NUDT12: variants seen among roughly 807,000 people sequenced by gnomAD.
The protein encoded by NUDT12 is NAD-capped RNA hydrolase NUDT12.
NUDT12 carries 42 observed loss-of-function variants against 45.7 expected under a neutral mutation model. That is an observed-to-expected ratio of 0.92 (90% CI 0.72 to 1.19). The LOEUF (loss-of-function observed/expected upper bound fraction) is 1.19. Ranked by LOEUF, NUDT12 falls within the 50% of genes most tolerant of loss-of-function variation. NUDT12 has a pLI of 0.00. For missense variants in NUDT12, 590 were observed against 533.1 expected (o/e 1.11, Z -1.05); for synonymous variants, 206 against 179.7 (o/e 1.15, Z -1.17).
In NUDT12 at chr5:103,550,489, T is replaced by C. The variant is rs891973009; in HGVS notation, c.*372A>G. On this transcript the variant is annotated 3_prime_UTR_variant, in exon 7 of 7. Transcript: ENST00000230792. ...TGATTCATTTCTCAAATCAGGAACT[T>C]TCTTCATCATCAGTTTAATGCTTAC... The C allele has an allele frequency of 6.4e-6, 1 of 157,124 alleles. No individual in the cohort carries two copies. Among genetic ancestry groups the C allele is most frequent in the Admixed American group, 6.3e-5 (1 of 15,750 alleles). The allele number at this position is 157,124 out of a possible 1,614,324, so 9.7% of individuals were successfully genotyped here. A position where few individuals can be genotyped will look rare whatever the true frequency, so the allele number is the denominator to read the frequency against.
At position 103,554,866 on chromosome 5, in the gene NUDT12, A is replaced by AG; in HGVS notation, c.965-14_965-13insC. The AG allele has an allele frequency of 8.3e-7, 1 of 1,205,010 alleles. No homozygotes were observed. The highest frequency in any genetic ancestry group is 1.2e-6 in the Non-Finnish European group (1 of 847,156). The allele number at this position is 1,205,010 out of a possible 1,614,324, so 74.6% of individuals were successfully genotyped here. A position where few individuals can be genotyped will look rare whatever the true frequency, so the allele number is the denominator to read the frequency against. The stretch of plus-strand genomic sequence containing the variant: ...ATTACTACTGGATCTGTTGAAAAAA[A>AG]AAATCAGATACATGAATGGCAGGAA... On this transcript the variant is annotated splice_polypyrimidine_tract_variant and intron_variant, in intron 4 of 6. Transcript: ENST00000230792.
Position 103,558,874 on chromosome 5 carries a change from C to A in NUDT12, c.796+5G>T. 6.5e-7 allele frequency: 1 copy of A among 1,541,692 alleles called. No individual in the cohort carries two copies. The highest frequency in any genetic ancestry group is 8.7e-7 in the Non-Finnish European group (1 of 1,146,924). ...TACCAATGAAAAGCAGCATTCATTTCTTACCAGCTTCTTTTTCTTTCAATT... is the reference window on the plus strand; with the variant it reads ...TACCAATGAAAAGCAGCATTCATTTATTACCAGCTTCTTTTTCTTTCAATT... On this transcript the variant is annotated splice_donor_5th_base_variant and intron_variant, in intron 3 of 6. Coordinates refer to ENST00000230792, the MANE Select transcript of NUDT12 (RefSeq NM_031438.4).
Position 103,554,535 on chromosome 5 carries a change from T to C in NUDT12, c.1078+205A>G, listed in dbSNP as rs1748752334. The C allele has an allele frequency of 1.5e-5, 4 of 273,482 alleles. No individual in the cohort carries two copies. The South Asian group carries it at 5.9e-4, about 40-fold the overall frequency. 16.9% of individuals were successfully genotyped at this position (273,482 alleles called of 1,614,324 possible). A position where few individuals can be genotyped will look rare whatever the true frequency, so the allele number is the denominator to read the frequency against. ...TGAATTTTTAACAAAGCAGACCAAA[T>C]TACTAGGAAAAGTAATTTATATAAT... On this transcript the variant is annotated intron_variant, in intron 5 of 6. Transcript: ENST00000230792.
At chr5:103,561,851 C>T (rs552109687) in intron 1 of NUDT12, among the ~76,000 whole-genome samples, 2 of 152,302 alleles carry the variant, frequency 1.3e-5, no homozygotes, top group Admixed American at 6.5e-5. Context: ...AAAAATACAG[C>T]GTCATTCACT....
chr5:103,560,227 G>C lies in NUDT12; in HGVS notation c.22C>G (p.Leu8Val). 1.2e-6 allele frequency: 2 copies of C among 1,613,500 alleles called. No individual in the cohort carries two copies. The change falls in exon 2 of 7, where the codon CTG becomes GTG. Residue 8 changes from leucine to valine, a missense_variant. Transcript: ENST00000230792. ...AACTGAGTAACTATTTCTTGCTTCA[G>C]ACTTCTTTTTACAGAAGACATTTCT... MSSVKRS[L>V]KQEIVTQFHC...
chr5:103,551,626 A>T (rs956184397), intron 6 of NUDT12, among the ~76,000 whole-genome samples: 8 of 152,198 alleles, frequency 5.3e-5, no homozygotes, highest in African/African-American at 1.7e-4. Flanking sequence ...TCCATCTTTT[A>T]GGATTAAGCA....
intron 3 of NUDT12, among the ~76,000 whole-genome samples, chr5:103,557,299 A>ATATATATATATATATATATC (rs1748856904): frequency 6.9e-6 from 1 of 145,896 alleles, no homozygotes; most frequent in Non-Finnish European, 1.5e-5. Flanking sequence ...ATATATATAT[A>ATATATATATATATATATATC]TATATGTCTA....
chr5:103,554,993 C>T (rs1748769533), intron 4 of NUDT12, 140 bp from the exon 5 acceptor site: 2 of 404,928 alleles, frequency 4.9e-6, no homozygotes, highest in Admixed American at 8.7e-5. Flanking sequence ...GAGATTGCTT[C>T]TTTCTGCCCT....
intron 4 of NUDT12, 21 bp downstream of exon 4, chr5:103,555,910 G>A: frequency 2.0e-6 from 3 of 1,463,846 alleles, no homozygotes; most frequent in Non-Finnish European, 2.7e-6. Context: ...AGGTGGCTGA[G>A]ATATAAAATA....
Position 103,554,724 on chromosome 5 carries a change from T to C in NUDT12, c.1078+16A>G. ...AAAATTATAAATTAAATATAAATTA[T>C]TAAGAAATGGCTTACCAGGCTCAAT... On this transcript the variant is annotated intron_variant, in intron 5 of 6. Coordinates refer to ENST00000230792, the MANE Select transcript of NUDT12 (RefSeq NM_031438.4). 6 of 1,006,244 alleles carry C rather than the reference T, an allele frequency of 6.0e-6. No homozygotes were observed. The highest frequency in any genetic ancestry group is 8.4e-6 in the Non-Finnish European group (6 of 713,440). 62.3% of individuals were successfully genotyped at this position (1,006,244 alleles called of 1,614,324 possible). A position where few individuals can be genotyped will look rare whatever the true frequency, so the allele number is the denominator to read the frequency against.
Position 103,562,690 on chromosome 5 carries a change from T to G in NUDT12, c.-7+13A>C, listed in dbSNP as rs1749076476. 6.6e-6 allele frequency: 1 copy of G among 152,238 alleles called. No individual in the cohort carries two copies. The highest frequency in any genetic ancestry group is 6.6e-5 in the Admixed American group (1 of 15,264). 9.4% of individuals were successfully genotyped at this position (152,238 alleles called of 1,614,324 possible). Reference sequence around the variant, plus strand: ...GGCAATGAGACGACTAACTCCCCACTGCTTCTACTAACCCAAAGGTGACCA... The same window carrying G: ...GGCAATGAGACGACTAACTCCCCACGGCTTCTACTAACCCAAAGGTGACCA... On this transcript the variant is annotated intron_variant, in intron 1 of 6. Transcript: ENST00000230792.
At chr5:103,558,739 T>A in intron 3 of NUDT12, 140 bp downstream of exon 3, 1 of 599,462 alleles carries the variant, frequency 1.7e-6, no homozygotes, top group Admixed American at 3.3e-5. Flanking sequence ...GGGTGAGAAC[T>A]TTAAGAAGTT....
At chr5:103,551,668 CAG>C (rs1160881738) in intron 6 of NUDT12, among the ~76,000 whole-genome samples, 2 of 152,026 alleles carry the variant, frequency 1.3e-5, no homozygotes, top group African/African-American at 2.4e-5. Flanking sequence ...CAGGCAAAGT[CAG>C]AAAGAATTTC....
intron 1 of NUDT12, among the ~76,000 whole-genome samples, 188 bp from the exon 2 acceptor site, chr5:103,560,442 G>A (rs767672057): frequency 9.2e-5 from 14 of 152,118 alleles, no homozygotes; most frequent in African/African-American, 1.2e-4. Flanking sequence ...AAAATGCAAC[G>A]CAATTTATAT....
chr5:103,552,132 C>T, intron 6 of NUDT12, 85 bp downstream of exon 6: 1 of 1,074,906 alleles, frequency 9.3e-7, no homozygotes, highest in Non-Finnish European at 1.4e-6. Flanking sequence ...ATTCAACTTG[C>T]TGAAAATATG....
In NUDT12 at chr5:103,549,833, T is replaced by C. The variant is rs374645661; in HGVS notation, c.*1028A>G. The C allele has an allele frequency of 9.2e-5, 14 of 152,278 alleles. No individual in the cohort carries two copies. Among genetic ancestry groups the C allele is most frequent in the African/African-American group, 2.9e-4 (12 of 41,578 alleles). 9.4% of individuals were successfully genotyped at this position (152,278 alleles called of 1,614,324 possible). On this transcript the variant is annotated 3_prime_UTR_variant, in exon 7 of 7. Transcript: ENST00000230792. ...TGTTTTGCTTTCTCTAGAATCTTAC[T>C]GATTCAGCTCTAAAATATACTTACT...
chr5:103,552,428 G>C lies in NUDT12; in HGVS notation c.1079-12C>G, dbSNP rs765153202. The stretch of plus-strand genomic sequence containing the variant: ...TTCTATTGTCTCTCCTAATGAAATG[G>C]AGCAAAAGAACAAGTTGCTGATGAA... On this transcript the variant is annotated splice_polypyrimidine_tract_variant and intron_variant, in intron 5 of 6. Transcript: ENST00000230792. 8.7e-6 allele frequency: 14 copies of C among 1,606,864 alleles called. No individual in the cohort carries two copies. In the East Asian group the frequency reaches 2.9e-4, roughly 33 times the overall value.
chr5:103,554,904 A>T lies in NUDT12; in HGVS notation c.965-51T>A, dbSNP rs368049576. On this transcript the variant is annotated intron_variant, in intron 4 of 6. Transcript: ENST00000230792. ...TGAATGGCAGGAAAAACGAATTTAG[A>T]TTCATTGTACAAACACTGTCTGATA... The T allele has an allele frequency of 3.2e-5, 23 of 708,262 alleles. No individual in the cohort carries two copies. The African/African-American group carries it at 4.0e-4, about 12-fold the overall frequency. The allele number at this position is 708,262 out of a possible 1,614,324, so 43.9% of individuals were successfully genotyped here.
At chr5:103,561,811 C>A (rs1749041410) in intron 1 of NUDT12, among the ~76,000 whole-genome samples, 1 of 152,202 alleles carries the variant, frequency 6.6e-6, no homozygotes, top group African/African-American at 2.4e-5. Flanking sequence ...TTCTCACAGG[C>A]CGCGCCAGGT....
Sources: allele counts gnomAD v4.1 joint callset (sites outside exome capture counted in the v4.1 genomes callset), GRCh38; gene constraint gnomAD v4.1.1; transcripts MANE v1.5; gene names NCBI Gene and HGNC (gene_info 2026-07-23, HGNC 2026-07-21).